Variants in SCYGR4 observed in about 807,000 individuals in gnomAD.
The protein encoded by SCYGR4 is small cysteine and glycine repeat containing 4.
rs1553561696 is a variant in SCYGR4 at position 227,617,570 on chromosome 2, A to AGTGGAGGCTGCGGTGGTGGCTGTG, written c.77_78insAGGCTGCGGTGGTGGCTGTGGTGG (p.Gly34_Gly41dup). On this transcript the variant is annotated inframe_insertion, in exon 1 of 1. Transcript: ENST00000641801. This position sits in a 1 kb window ranked among gnomAD's most constrained non-coding sequence, Gnocchi z 4.1. ...CGGTGGTGGCTGTGGTGGTGGCTGC[A>AGTGGAGGCTGCGGTGGTGGCTGTG]GTGGTGGCTGCGGTGGTGGCTGCGG... 2.6e-6 allele frequency: 1 copy of AGTGGAGGCTGCGGTGGTGGCTGTG among 382,962 alleles called. No homozygotes were observed. Among genetic ancestry groups the AGTGGAGGCTGCGGTGGTGGCTGTG allele is most frequent in the African/African-American group, 2.8e-5 (1 of 35,988 alleles). The allele number at this position is 382,962 out of a possible 1,614,324, so 23.7% of individuals were successfully genotyped here.
rs1418502079 is a variant in SCYGR4 at position 227,617,786 on chromosome 2, T to G, written c.289T>G (p.Cys97Gly). The change falls in exon 1 of 1, where the codon TGC becomes GGC. Residue 97 changes from cysteine (C) to glycine (G), a missense_variant. Cys to Gly is a radical substitution (Grantham distance 159, BLOSUM62 -3). Transcript: ENST00000641801. This position sits in a 1 kb window ranked among gnomAD's most constrained non-coding sequence, Gnocchi z 4.1. Reference sequence around the variant, plus strand: ...TGGGAAGGGCTGTTGCCAACAGAAATGCTGCTGCCAGAAGCAATGCTGCTG... The same window carrying G: ...TGGGAAGGGCTGTTGCCAACAGAAAGGCTGCTGCCAGAAGCAATGCTGCTG... The G allele has an allele frequency of 5.0e-6, 2 of 398,870 alleles. No individual in the cohort carries two copies. Among genetic ancestry groups the G allele is most frequent in the Non-Finnish European group, 8.8e-6 (2 of 227,020 alleles). 24.7% of individuals were successfully genotyped at this position (398,870 alleles called of 1,614,324 possible). A position where few individuals can be genotyped will look rare whatever the true frequency, so the allele number is the denominator to read the frequency against.
chr2:227,617,557 T>C lies in SCYGR4; in HGVS notation c.60T>C (p.Cys20=), dbSNP rs116119718. The C allele has an allele frequency of 0.081, 32,780 of 404,252 alleles. 1,966 individuals are homozygous for C. The highest frequency in any genetic ancestry group is 0.21 in the African/African-American group (10,069 of 48,030). 25.0% of individuals were successfully genotyped at this position (404,252 alleles called of 1,614,324 possible). The change falls in exon 1 of 1, where the codon TGT becomes TGC. Residue 20 remains cysteine (C), a synonymous_variant. Coordinates refer to ENST00000641801, the Ensembl canonical transcript of SCYGR4. The surrounding 1 kb of genome is among the most constrained non-coding windows in gnomAD (Gnocchi z 4.1). ...GTGGTGGCCGCTGCGGTGGTGGCTGTGGTGGTGGCTGCAGTGGTGGCTGCG... is the reference window on the plus strand; with the variant it reads ...GTGGTGGCCGCTGCGGTGGTGGCTGCGGTGGTGGCTGCAGTGGTGGCTGCG...
rs1693961972 is a variant in SCYGR4, at chr2:227,617,691, G to A, written c.194G>A (p.Cys65Tyr). The stretch of plus-strand genomic sequence containing the variant: ...TGCTGCCCCTGCTGCCGCGGCTGCT[G>A]TGGAGGCTGCTGCAGCACTCCCGTG... Residue 65 changes from cysteine to tyrosine, a missense_variant, in exon 1 of 1, where the codon TGT becomes TAT. Coordinates refer to ENST00000641801, the Ensembl canonical transcript of SCYGR4. This position sits in a 1 kb window ranked among gnomAD's most constrained non-coding sequence, Gnocchi z 4.1. 1 of 400,934 alleles carries A rather than the reference G, an allele frequency of 2.5e-6. No homozygotes were observed. Among genetic ancestry groups the A allele is most frequent in the Non-Finnish European group, 4.4e-6 (1 of 227,554 alleles). 24.8% of individuals were successfully genotyped at this position (400,934 alleles called of 1,614,324 possible). A position where few individuals can be genotyped will look rare whatever the true frequency, so the allele number is the denominator to read the frequency against.
Position 227,617,745 on chromosome 2 carries a change from C to T in SCYGR4, c.248C>T (p.Ser83Leu), listed in dbSNP as rs1044869916. The change falls in exon 1 of 1, where the codon TCG (serine) becomes TTG (leucine). Residue 83 changes from serine (S) to leucine (L), a missense_variant. Transcript: ENST00000641801. The surrounding 1 kb of genome is among the most constrained non-coding windows in gnomAD (Gnocchi z 4.1). ...TGCTGCTGCCGCCGCACCTGCGGCT[C>T]GTGTGGCTGTGGCTATGGGAAGGGC... 8.8e-5 allele frequency: 35 copies of T among 399,532 alleles called. No individual in the cohort carries two copies. The highest frequency in any genetic ancestry group is 1.3e-4 in the Non-Finnish European group (30 of 226,726). The allele number at this position is 399,532 out of a possible 1,614,324, so 24.7% of individuals were successfully genotyped here.
In SCYGR4 at chr2:227,617,541, G is replaced by A. The variant is rs911161896; in HGVS notation, c.44G>A (p.Arg15His). The change falls in exon 1 of 1, where the codon CGC (arginine) becomes CAC (histidine). Residue 15 changes from arginine (R) to histidine (H), a missense_variant. Coordinates refer to ENST00000641801, the Ensembl canonical transcript of SCYGR4. The surrounding 1 kb of genome is among the most constrained non-coding windows in gnomAD (Gnocchi z 4.1). ...GGAAGTTGTGGTGGCTGTGGTGGCCGCTGCGGTGGTGGCTGTGGTGGTGGC... is the reference window on the plus strand; with the variant it reads ...GGAAGTTGTGGTGGCTGTGGTGGCCACTGCGGTGGTGGCTGTGGTGGTGGC... The A allele has an allele frequency of 1.9e-5, 8 of 414,636 alleles. No homozygotes were observed. The highest frequency in any genetic ancestry group is 6.2e-5 in the African/African-American group (3 of 48,714). The allele number at this position is 414,636 out of a possible 1,614,324, so 25.7% of individuals were successfully genotyped here.
Position 227,617,791 on chromosome 2 carries a change from C to T in SCYGR4, c.294C>T (p.Cys98=), listed in dbSNP as rs1693964603. 2.5e-6 allele frequency: 1 copy of T among 399,694 alleles called. No individual in the cohort carries two copies. Among genetic ancestry groups the T allele is most frequent in the Admixed American group, 4.4e-5 (1 of 22,720 alleles). The allele number at this position is 399,694 out of a possible 1,614,324, so 24.8% of individuals were successfully genotyped here. A position where few individuals can be genotyped will look rare whatever the true frequency, so the allele number is the denominator to read the frequency against. Residue 98 remains cysteine (C), a synonymous_variant, in exon 1 of 1, where the codon TGC becomes TGT. Coordinates refer to ENST00000641801, the Ensembl canonical transcript of SCYGR4. The surrounding 1 kb of genome is among the most constrained non-coding windows in gnomAD (Gnocchi z 4.1). ...AGGGCTGTTGCCAACAGAAATGCTGCTGCCAGAAGCAATGCTGCTGCTAGG... is the reference window on the plus strand; with the variant it reads ...AGGGCTGTTGCCAACAGAAATGCTGTTGCCAGAAGCAATGCTGCTGCTAGG...
rs1559222604 is a variant in SCYGR4 at position 227,617,546 on chromosome 2, GGTGGTGGCT to G, written c.57_65del (p.Cys20_Gly22del). ...TTGTGGTGGCTGTGGTGGCCGCTGCGGTGGTGGCTGTGGTGGTGGCTGCAGTGGTGGCTG... is the reference window on the plus strand; with the variant it reads ...TTGTGGTGGCTGTGGTGGCCGCTGCGGTGGTGGTGGCTGCAGTGGTGGCTG... On this transcript the variant is annotated inframe_deletion, in exon 1 of 1. Coordinates refer to ENST00000641801, the Ensembl canonical transcript of SCYGR4. The surrounding 1 kb of genome is among the most constrained non-coding windows in gnomAD (Gnocchi z 4.1). 5.0e-6 allele frequency: 2 copies of G among 400,400 alleles called. No homozygotes were observed. Among genetic ancestry groups the G allele is most frequent in the Non-Finnish European group, 8.7e-6 (2 of 231,184 alleles). 24.8% of individuals were successfully genotyped at this position (400,400 alleles called of 1,614,324 possible). A position where few individuals can be genotyped will look rare whatever the true frequency, so the allele number is the denominator to read the frequency against.
Position 227,617,510 on chromosome 2 carries a change from GGTT to G in SCYGR4, c.16_18del (p.Cys6del), listed in dbSNP as rs988873993. 1 of 413,404 alleles carries G rather than the reference GGTT, an allele frequency of 2.4e-6. No homozygotes were observed. Among genetic ancestry groups the G allele is most frequent in the Admixed American group, 4.4e-5 (1 of 22,884 alleles). The allele number at this position is 413,404 out of a possible 1,614,324, so 25.6% of individuals were successfully genotyped here. On this transcript the variant is annotated inframe_deletion, in exon 1 of 1. Transcript: ENST00000641801. The surrounding 1 kb of genome is among the most constrained non-coding windows in gnomAD (Gnocchi z 4.1). ...CTCTACTGACACCATGGGTTGCTGT[GGTT>G]GTGGAAGTTGTGGTGGCTGTGGTGG...
rs114099512 is a variant in SCYGR4 at position 227,617,759 on chromosome 2, T to C, written c.262T>C (p.Tyr88His). The C allele has an allele frequency of 5.5e-3, 2,185 of 399,970 alleles. 8 individuals are homozygous for C. Among genetic ancestry groups the C allele is most frequent in the Non-Finnish European group, 7.9e-3 (1,783 of 226,934 alleles). 24.8% of individuals were successfully genotyped at this position (399,970 alleles called of 1,614,324 possible). ...CACCTGCGGCTCGTGTGGCTGTGGC[T>C]ATGGGAAGGGCTGTTGCCAACAGAA... Residue 88 changes from tyrosine to histidine, a missense_variant, in exon 1 of 1, where the codon TAT (tyrosine) becomes CAT (histidine). Physicochemically the swap from Tyr to His is moderately conservative, Grantham distance 83. Transcript: ENST00000641801. The surrounding 1 kb of genome is among the most constrained non-coding windows in gnomAD (Gnocchi z 4.1).
At position 227,617,798 on chromosome 2, in the gene SCYGR4, A is replaced by C. The variant is rs1693964700; in HGVS notation, c.301A>C (p.Lys101Gln). 2 of 399,714 alleles carry C rather than the reference A, an allele frequency of 5.0e-6. No homozygotes were observed. Among genetic ancestry groups the C allele is most frequent in the African/African-American group, 2.1e-5 (1 of 48,756 alleles). 24.8% of individuals were successfully genotyped at this position (399,714 alleles called of 1,614,324 possible). A position where few individuals can be genotyped will look rare whatever the true frequency, so the allele number is the denominator to read the frequency against. The stretch of plus-strand genomic sequence containing the variant: ...TTGCCAACAGAAATGCTGCTGCCAG[A>C]AGCAATGCTGCTGCTAGGCGGGCCC... Residue 101 changes from lysine (K) to glutamine (Q), a missense_variant, in exon 1 of 1, where the codon AAG becomes CAG. Coordinates refer to ENST00000641801, the Ensembl canonical transcript of SCYGR4. The surrounding 1 kb of genome is among the most constrained non-coding windows in gnomAD (Gnocchi z 4.1).
rs929716519 is a variant in SCYGR4 at position 227,617,617 on chromosome 2, T to C, written c.120T>C (p.Cys40=). ...GCGGTGGTGGCTGTGGTGGTGGCTGTGGCAGCTGCACCACCTGCAGGTGCT... is the reference window on the plus strand; with the variant it reads ...GCGGTGGTGGCTGTGGTGGTGGCTGCGGCAGCTGCACCACCTGCAGGTGCT... The change falls in exon 1 of 1, where the codon TGT becomes TGC. Residue 40 remains cysteine, a synonymous_variant. Transcript: ENST00000641801. The surrounding 1 kb of genome is among the most constrained non-coding windows in gnomAD (Gnocchi z 4.1). 8 of 406,662 alleles carry C rather than the reference T, an allele frequency of 2.0e-5. No individual in the cohort carries two copies. Among genetic ancestry groups the C allele is most frequent in the African/African-American group, 1.2e-4 (6 of 48,050 alleles). 25.2% of individuals were successfully genotyped at this position (406,662 alleles called of 1,614,324 possible). A position where few individuals can be genotyped will look rare whatever the true frequency, so the allele number is the denominator to read the frequency against.
chr2:227,617,628 C>A lies in SCYGR4; in HGVS notation c.131C>A (p.Thr44Asn), dbSNP rs1438715588. 35 of 406,664 alleles carry A rather than the reference C, an allele frequency of 8.6e-5. No homozygotes were observed. The highest frequency in any genetic ancestry group is 2.2e-4 in the Admixed American group (5 of 22,804). The allele number at this position is 406,664 out of a possible 1,614,324, so 25.2% of individuals were successfully genotyped here. A position where few individuals can be genotyped will look rare whatever the true frequency, so the allele number is the denominator to read the frequency against. ...TGTGGTGGTGGCTGTGGCAGCTGCACCACCTGCAGGTGCTACCGGGTGGGC... is the reference window on the plus strand; with the variant it reads ...TGTGGTGGTGGCTGTGGCAGCTGCAACACCTGCAGGTGCTACCGGGTGGGC... The change falls in exon 1 of 1, where the codon ACC (threonine) becomes AAC (asparagine). Residue 44 changes from threonine to asparagine, a missense_variant. Coordinates refer to ENST00000641801, the Ensembl canonical transcript of SCYGR4. This position sits in a 1 kb window ranked among gnomAD's most constrained non-coding sequence, Gnocchi z 4.1.
chr2:227,617,648 G>A lies in SCYGR4; in HGVS notation c.151G>A (p.Val51Met). Residue 51 changes from valine to methionine, a missense_variant, in exon 1 of 1, where the codon GTG (valine) becomes ATG (methionine). By Grantham distance (21) the Val-to-Met change is conservative (BLOSUM62 1). Transcript: ENST00000641801. This position sits in a 1 kb window ranked among gnomAD's most constrained non-coding sequence, Gnocchi z 4.1. ...CTGCACCACCTGCAGGTGCTACCGG[G>A]TGGGCTGCTGCTCCAGCTGCTGCCC... 1 of 402,826 alleles carries A rather than the reference G, an allele frequency of 2.5e-6. No homozygotes were observed. The highest frequency in any genetic ancestry group is 4.4e-6 in the Non-Finnish European group (1 of 228,934). 25.0% of individuals were successfully genotyped at this position (402,826 alleles called of 1,614,324 possible).
chr2:227,617,612 G>A lies in SCYGR4; in HGVS notation c.115G>A (p.Gly39Ser), dbSNP rs1693959172. 2 of 403,224 alleles carry A rather than the reference G, an allele frequency of 5.0e-6. No homozygotes were observed. The highest frequency in any genetic ancestry group is 4.3e-6 in the Non-Finnish European group (1 of 231,210). The allele number at this position is 403,224 out of a possible 1,614,324, so 25.0% of individuals were successfully genotyped here. A position where few individuals can be genotyped will look rare whatever the true frequency, so the allele number is the denominator to read the frequency against. The change falls in exon 1 of 1, where the codon GGC becomes AGC. Residue 39 changes from glycine (G) to serine (S), a missense_variant. Physicochemically the swap from Gly to Ser is moderately conservative, Grantham distance 56. Transcript: ENST00000641801. The surrounding 1 kb of genome is among the most constrained non-coding windows in gnomAD (Gnocchi z 4.1). The stretch of plus-strand genomic sequence containing the variant: ...TGGCTGCGGTGGTGGCTGTGGTGGT[G>A]GCTGTGGCAGCTGCACCACCTGCAG...
rs1575141970 is a variant in SCYGR4, at chr2:227,617,726, T to C, written c.229T>C (p.Cys77Arg). 4 of 399,840 alleles carry C rather than the reference T, an allele frequency of 1.0e-5. No homozygotes were observed. Among genetic ancestry groups the C allele is most frequent in the Non-Finnish European group, 8.8e-6 (2 of 226,822 alleles). The allele number at this position is 399,840 out of a possible 1,614,324, so 24.8% of individuals were successfully genotyped here. A position where few individuals can be genotyped will look rare whatever the true frequency, so the allele number is the denominator to read the frequency against. Residue 77 changes from cysteine to arginine, a missense_variant, in exon 1 of 1, where the codon TGC becomes CGC. Transcript: ENST00000641801. This position sits in a 1 kb window ranked among gnomAD's most constrained non-coding sequence, Gnocchi z 4.1. The stretch of plus-strand genomic sequence containing the variant: ...CTGCAGCACTCCCGTGATCTGCTGC[T>C]GCCGCCGCACCTGCGGCTCGTGTGG...
chr2:227,617,681 C>T lies in SCYGR4; in HGVS notation c.184C>T (p.Arg62Cys), dbSNP rs1010458983. The change falls in exon 1 of 1, where the codon CGC becomes TGC. Residue 62 changes from arginine to cysteine, a missense_variant. Transcript: ENST00000641801. This position sits in a 1 kb window ranked among gnomAD's most constrained non-coding sequence, Gnocchi z 4.1. Reference sequence around the variant, plus strand: ...CTGCTCCAGCTGCTGCCCCTGCTGCCGCGGCTGCTGTGGAGGCTGCTGCAG... The same window carrying T: ...CTGCTCCAGCTGCTGCCCCTGCTGCTGCGGCTGCTGTGGAGGCTGCTGCAG... The T allele has an allele frequency of 5.0e-5, 20 of 400,966 alleles. No homozygotes were observed. The highest frequency in any genetic ancestry group is 1.8e-4 in the Admixed American group (4 of 22,736). The allele number at this position is 400,966 out of a possible 1,614,324, so 24.8% of individuals were successfully genotyped here. A position where few individuals can be genotyped will look rare whatever the true frequency, so the allele number is the denominator to read the frequency against.
Position 227,617,570 on chromosome 2 carries a change from AGTGGTGGCTGCG to A in SCYGR4, c.96_107del (p.Gly38_Gly41del), listed in dbSNP as rs1464855519. ...CGGTGGTGGCTGTGGTGGTGGCTGC[AGTGGTGGCTGCG>A]GTGGTGGCTGCGGTGGTGGCTGTGG... On this transcript the variant is annotated inframe_deletion, in exon 1 of 1. Coordinates refer to ENST00000641801, the Ensembl canonical transcript of SCYGR4. This position sits in a 1 kb window ranked among gnomAD's most constrained non-coding sequence, Gnocchi z 4.1. The A allele has an allele frequency of 1.1e-3, 420 of 383,144 alleles. 1 individual carries two copies. The highest frequency in any genetic ancestry group is 2.8e-3 in the Admixed American group (56 of 20,298). 23.7% of individuals were successfully genotyped at this position (383,144 alleles called of 1,614,324 possible).
At position 227,617,767 on chromosome 2, in the gene SCYGR4, G is replaced by A. The variant is rs1693963646; in HGVS notation, c.270G>A (p.Lys90=). The change falls in exon 1 of 1, where the codon AAG becomes AAA. Residue 90 remains lysine (K), a synonymous_variant. Coordinates refer to ENST00000641801, the Ensembl canonical transcript of SCYGR4. The surrounding 1 kb of genome is among the most constrained non-coding windows in gnomAD (Gnocchi z 4.1). ...GCTCGTGTGGCTGTGGCTATGGGAAGGGCTGTTGCCAACAGAAATGCTGCT... is the reference window on the plus strand; with the variant it reads ...GCTCGTGTGGCTGTGGCTATGGGAAAGGCTGTTGCCAACAGAAATGCTGCT... The A allele has an allele frequency of 2.5e-6, 1 of 400,030 alleles. No individual in the cohort carries two copies. 24.8% of individuals were successfully genotyped at this position (400,030 alleles called of 1,614,324 possible). A position where few individuals can be genotyped will look rare whatever the true frequency, so the allele number is the denominator to read the frequency against.
At position 227,617,675 on chromosome 2, in the gene SCYGR4, T is replaced by C; in HGVS notation, c.178T>C (p.Cys60Arg). The change falls in exon 1 of 1, where the codon TGC (cysteine) becomes CGC (arginine). Residue 60 changes from cysteine (C) to arginine (R), a missense_variant. Cys to Arg is a radical substitution (Grantham distance 180). Transcript: ENST00000641801. The surrounding 1 kb of genome is among the most constrained non-coding windows in gnomAD (Gnocchi z 4.1). ...GGGCTGCTGCTCCAGCTGCTGCCCCTGCTGCCGCGGCTGCTGTGGAGGCTG... is the reference window on the plus strand; with the variant it reads ...GGGCTGCTGCTCCAGCTGCTGCCCCCGCTGCCGCGGCTGCTGTGGAGGCTG... The C allele has an allele frequency of 2.5e-6, 1 of 401,380 alleles. No individual in the cohort carries two copies. The highest frequency in any genetic ancestry group is 4.4e-6 in the Non-Finnish European group (1 of 227,864). The allele number at this position is 401,380 out of a possible 1,614,324, so 24.9% of individuals were successfully genotyped here. A position where few individuals can be genotyped will look rare whatever the true frequency, so the allele number is the denominator to read the frequency against.
Sources: gnomAD v4.1 joint callset for allele counts on GRCh38, gnomAD v4.1.1 for gene constraint, Gnocchi (gnomAD v3.1) non-coding constraint, MANE v1.5 for transcripts, NCBI Gene and HGNC (gene_info 2026-07-23, HGNC 2026-07-21) for gene names.